Variants in ARID2 observed in about 807,000 individuals in gnomAD.
The protein encoded by ARID2 is AT-rich interaction domain 2.
Under a neutral mutation model 184.6 loss-of-function variants are expected in ARID2, and 32 were observed. That is an observed-to-expected ratio of 0.17 (90% CI 0.13 to 0.23). ARID2 has a LOEUF of 0.23. Ranked by LOEUF, ARID2 falls within the 10% of genes least tolerant of loss-of-function variation. The pLI is 1.00. For missense variants in ARID2, 1,696 were observed against 2,197.6 expected (o/e 0.77, Z 4.56); for synonymous variants, 836 against 772.6 (o/e 1.08, Z -1.36).
intron 3 of ARID2, among the ~76,000 whole-genome samples, chr12:45,745,840 C>T (rs1477775637): frequency 1.3e-5 from 2 of 152,054 alleles, no homozygotes; most frequent in African/African-American, 4.8e-5. Flanking sequence ...TGAGCCACTG[C>T]GCCTGGCCTG....
chr12:45,811,659 G>A, intron 4 of ARID2, 108 bp downstream of exon 4: 1 of 1,145,576 alleles, frequency 8.7e-7, no homozygotes, highest in Non-Finnish European at 1.2e-6. Context: ...AACACTTAAG[G>A]CCTTAAGGTA....
At chr12:45,833,275 A>G (rs1417206057) in intron 6 of ARID2, among the ~76,000 whole-genome samples, 2 of 152,192 alleles carry the variant, frequency 1.3e-5, no homozygotes, top group South Asian at 2.1e-4. Context: ...ACATAACCCC[A>G]TCATAAGTCA....
Position 45,850,709 on chromosome 12 carries a change from C to T in ARID2, c.2586C>T (p.Val862=), listed in dbSNP as rs1455990674. Residue 862 remains valine, a synonymous_variant, in exon 15 of 21, where the codon GTC becomes GTT. Coordinates refer to ENST00000334344, the MANE Select transcript of ARID2 (RefSeq NM_152641.4). ...TAACAACTTCTGCATCCAATATTGT[C>T]TCAGCAACTTCAGTACAGAATTTTC... ...QYVTTSASNI[V]SATSVQNFQV... 1.9e-6 allele frequency: 3 copies of T among 1,614,006 alleles called. No homozygotes were observed. Among genetic ancestry groups the T allele is most frequent in the Admixed American group, 3.3e-5 (2 of 60,004 alleles).
chr12:45,782,440 T>A (rs918638481), intron 3 of ARID2, among the ~76,000 whole-genome samples: 6 of 152,098 alleles, frequency 3.9e-5, no homozygotes, highest in African/African-American at 1.4e-4. Context: ...AAGACCAGAC[T>A]GGTCAACATG....
intron 3 of ARID2, among the ~76,000 whole-genome samples, chr12:45,743,406 G>T (rs1452428663): frequency 6.6e-6 from 1 of 151,976 alleles, no homozygotes; most frequent in Non-Finnish European, 1.5e-5. Context: ...TGTTGCCCAG[G>T]CTTGAGTGCA....
chr12:45,766,468 A>G (rs183726799), intron 3 of ARID2, among the ~76,000 whole-genome samples: 501 of 151,630 alleles, frequency 3.3e-3, no homozygotes, highest in African/African-American at 0.012. Flanking sequence ...CCACCTGGCC[A>G]AGTGGATTAT....
chr12:45,752,352 T>C (rs1941479916), intron 3 of ARID2, among the ~76,000 whole-genome samples: 1 of 152,228 alleles, frequency 6.6e-6, no homozygotes, highest in Admixed American at 6.5e-5. Context: ...CTGTGTTCTT[T>C]ATTTCTCTAT....
chr12:45,816,618 G>T (rs1280339866), intron 4 of ARID2, among the ~76,000 whole-genome samples: 5 of 152,126 alleles, frequency 3.3e-5, no homozygotes, highest in Non-Finnish European at 7.4e-5. Flanking sequence ...ACAAAATCCT[G>T]TCTATGTTTC....
chr12:45,786,854 C>G (rs1009645713), intron 3 of ARID2, among the ~76,000 whole-genome samples: 15 of 152,086 alleles, frequency 9.9e-5, no homozygotes, highest in African/African-American at 3.6e-4. Context: ...CATGGGTGAT[C>G]CTGGAGGACG....
At position 45,729,819 on chromosome 12, in the gene ARID2, ACCT is replaced by A; in HGVS notation, c.-14_-12del. ...AAACACCGATCTGGGTTTTTTAAAA[ACCT>A]CCTTTGAAAAAATAATGGCAAACTC... On this transcript the variant is annotated 5_prime_UTR_variant, in exon 1 of 21. Transcript: ENST00000334344. 6.3e-7 allele frequency: 1 copy of A among 1,597,562 alleles called. No homozygotes were observed.
chr12:45,893,173 T>A (rs1191062702), intron 18 of ARID2, among the ~76,000 whole-genome samples: 1 of 152,216 alleles, frequency 6.6e-6, no homozygotes, highest in Non-Finnish European at 1.5e-5. Flanking sequence ...AGATGGAACA[T>A]CTGTTTGCTT....
At chr12:45,821,943 A>C (rs187887657) in intron 6 of ARID2, among the ~76,000 whole-genome samples, 110 of 152,342 alleles carry the variant, frequency 7.2e-4, no homozygotes, top group Non-Finnish European at 1.1e-3. Flanking sequence ...ATAGTTGTGA[A>C]TTTCAAGTGA....
chr12:45,819,905 G>A (rs1565608340), intron 5 of ARID2, among the ~76,000 whole-genome samples: 1 of 151,818 alleles, frequency 6.6e-6, no homozygotes, highest in Non-Finnish European at 1.5e-5. Context: ...CACCACACCT[G>A]GCTAATTTTT....
At chr12:45,897,262 A>T (rs1211548989) in intron 20 of ARID2, among the ~76,000 whole-genome samples, 1 of 152,266 alleles carries the variant, frequency 6.6e-6, no homozygotes, top group African/African-American at 2.4e-5. Context: ...CTTACCCTGT[A>T]CCATATATAA....
chr12:45,847,447 T>G (rs1382198842), intron 12 of ARID2, among the ~76,000 whole-genome samples: 3 of 152,034 alleles, frequency 2.0e-5, no homozygotes, highest in Admixed American at 2.0e-4. Context: ...AATAAGCAGC[T>G]TGACAATAAT....
In ARID2 at chr12:45,837,411, A is replaced by T. The variant is rs2138130779; in HGVS notation, c.1114A>T (p.Met372Leu). Residue 372 changes from methionine to leucine, a missense_variant, in exon 9 of 21, where the codon ATG becomes TTG. By Grantham distance (15) the Met-to-Leu change is conservative. Around this residue, in one of 11 missense-constraint regions of ARID2, gnomAD observed 86 missense variants for 200.8 expected, o/e 0.43. Coordinates refer to ENST00000334344, the MANE Select transcript of ARID2 (RefSeq NM_152641.4). ...CLMSRDRFLKMRGMEILGNLC... is the reference protein window; with the variant it reads ...CLMSRDRFLKLRGMEILGNLC... ...AATGTCAAGGGATAGATTTTTAAAG[A>T]TGAGAGGTGAGTTTTCACTGAAGTA... 1.2e-6 allele frequency: 2 copies of T among 1,611,628 alleles called. No individual in the cohort carries two copies. Among genetic ancestry groups the T allele is most frequent in the African/African-American group, 1.3e-5 (1 of 74,930 alleles).
intron 16 of ARID2, among the ~76,000 whole-genome samples, chr12:45,877,262 G>A (rs1283856739): frequency 6.6e-6 from 1 of 152,106 alleles, no homozygotes; most frequent in Non-Finnish European, 1.5e-5. Context: ...TGTATTTACA[G>A]CCGCTCCCTA....
intron 3 of ARID2, among the ~76,000 whole-genome samples, chr12:45,802,098 T>C (rs1372083196): frequency 7.5e-6 from 1 of 132,456 alleles, no homozygotes; most frequent in Admixed American, 8.0e-5. Flanking sequence ...ACAGGGTCTC[T>C]CTCTGTTGCC....
chr12:45,731,731 AT>A (rs969947198), intron 3 of ARID2, among the ~76,000 whole-genome samples: 125 of 146,596 alleles, frequency 8.5e-4, no homozygotes, highest in Middle Eastern at 3.5e-3. Flanking sequence ...GGCTTTAAGA[AT>A]TTTTTTTTTT....
Sources: gnomAD v4.1 joint callset for allele counts (sites outside exome capture counted in the v4.1 genomes callset) on GRCh38, gnomAD v4.1.1 for gene constraint, gnomAD v4.1.1 regional missense constraint, MANE v1.5 for transcripts, NCBI Gene and HGNC (gene_info 2026-07-23, HGNC 2026-07-21) for gene names.